KIRREL3: variants seen among roughly 807,000 people sequenced by gnomAD.
KIRREL3 encodes kirre like nephrin family adhesion molecule 3.
KIRREL3 carries 36 observed loss-of-function variants against 89.7 expected under a neutral mutation model. The ratio of observed to expected loss-of-function variants is 0.40; its 90% CI spans 0.31 to 0.53. The LOEUF is 0.53. Among genes scored for constraint, KIRREL3 ranks in the 20% least tolerant of loss-of-function variants. The pLI, the probability that KIRREL3 is intolerant of heterozygous loss-of-function variation, is 0.49. For missense variants in KIRREL3, 864 were observed against 1,056.6 expected (o/e 0.82, Z 2.53); for synonymous variants, 445 against 441.4 (o/e 1.01, Z -0.10).
chr11:126,751,229 C>T (rs1949325352), intron 1 of KIRREL3, among the ~76,000 whole-genome samples: 1 of 152,206 alleles, frequency 6.6e-6, no homozygotes, highest in East Asian at 1.9e-4. Context: ...AGGAAGCAAG[C>T]TGTCTTATTC....
rs1430806583 is a variant in KIRREL3 at position 126,664,107 on chromosome 11, T to C, written c.56-101195A>G. ...AACCTAATAGAGGCTTAGCTTTTCA[T>C]TAAAATTTCCATTAATACTGGAGCT... On this transcript the variant is annotated intron_variant, in intron 1 of 16. Coordinates refer to ENST00000525144, the MANE Select transcript of KIRREL3 (RefSeq NM_032531.4). The surrounding 1 kb of genome is among the most constrained non-coding windows in gnomAD (Gnocchi z 5.4). 1.3e-5 allele frequency among the ~76,000 whole-genome samples: 2 copies of C among 152,218 alleles called. No individual in the cohort carries two copies. The highest frequency in any genetic ancestry group is 2.9e-5 in the Non-Finnish European group (2 of 68,036).
In KIRREL3 at chr11:126,607,952, C is replaced by T. The variant is rs1222095221; in HGVS notation, c.56-45040G>A. Among the ~76,000 whole-genome samples the T allele has an allele frequency of 6.6e-6, 1 of 152,162 alleles. No homozygotes were observed. The highest frequency in any genetic ancestry group is 1.5e-5 in the Non-Finnish European group (1 of 68,016). ...CCAGGCACTAGGGCAACTGCTCAGC[C>T]CCATCGCAGCAAGGGCCCGAGGAAC... On this transcript the variant is annotated intron_variant, in intron 1 of 16. Coordinates refer to ENST00000525144, the MANE Select transcript of KIRREL3 (RefSeq NM_032531.4). The surrounding 1 kb of genome is among the most constrained non-coding windows in gnomAD (Gnocchi z 6.6).
intron 1 of KIRREL3, among the ~76,000 whole-genome samples, chr11:126,884,667 A>T (rs1466711584): frequency 4.6e-5 from 7 of 152,218 alleles, no homozygotes; most frequent in African/African-American, 1.7e-4. Context: ...ATCGTGACCC[A>T]GGAAACTAAT....
chr11:126,958,975 C>A (rs1214885055), intron 1 of KIRREL3, among the ~76,000 whole-genome samples: 3 of 152,060 alleles, frequency 2.0e-5, no homozygotes, highest in Non-Finnish European at 4.4e-5. Context: ...AAGAAGACTG[C>A]TTTCCTCAAT....
chr11:126,716,755 G>T (rs1298998362), intron 1 of KIRREL3, among the ~76,000 whole-genome samples: 4 of 146,660 alleles, frequency 2.7e-5, no homozygotes, highest in African/African-American at 7.8e-5. Context: ...TGTTGGGGGG[G>T]GGGGGAAGTG....
intron 1 of KIRREL3, among the ~76,000 whole-genome samples, chr11:126,833,711 G>C (rs1387465455): frequency 1.3e-5 from 2 of 152,194 alleles, no homozygotes; most frequent in African/African-American, 4.8e-5. Flanking sequence ...ACAGGCTGCA[G>C]ACACACACAG....
chr11:126,687,914 AG>A lies in KIRREL3; in HGVS notation c.56-125003del, dbSNP rs758803641. Among the ~76,000 whole-genome samples, 1 of 152,272 alleles carries A rather than the reference AG, an allele frequency of 6.6e-6. No homozygotes were observed. Among genetic ancestry groups the A allele is most frequent in the Non-Finnish European group, 1.5e-5 (1 of 68,048 alleles). ...GCCCTCCTAGGCCCGAAGCAGCAAA[AG>A]AAAGCATCTAGAAAAAGGAAATAAA... On this transcript the variant is annotated intron_variant, in intron 1 of 16. Transcript: ENST00000525144. This position sits in a 1 kb window ranked among gnomAD's most constrained non-coding sequence, Gnocchi z 4.6.
chr11:126,848,980 G>A (rs1319685461), intron 1 of KIRREL3, among the ~76,000 whole-genome samples: 1 of 152,196 alleles, frequency 6.6e-6, no homozygotes, highest in Non-Finnish European at 1.5e-5. Flanking sequence ...AAATGTCAGA[G>A]GTGTTTAAAA....
At chr11:126,442,611 G>A (rs970673560) in intron 10 of KIRREL3, among the ~76,000 whole-genome samples, 2 of 152,190 alleles carry the variant, frequency 1.3e-5, no homozygotes, top group Non-Finnish European at 1.5e-5. Context: ...GGGATTTGTC[G>A]CGATAAAAAC....
rs1039942472 is a variant in KIRREL3 at position 126,615,548 on chromosome 11, A to G, written c.56-52636T>C. On this transcript the variant is annotated intron_variant, in intron 1 of 16. Coordinates refer to ENST00000525144, the MANE Select transcript of KIRREL3 (RefSeq NM_032531.4). The surrounding 1 kb of genome is among the most constrained non-coding windows in gnomAD (Gnocchi z 5.4). Reference sequence around the variant, plus strand: ...ACCTGTGTTCCTAACCATCCTGCCCACCAGGATCCTGGAGGTATTCAAGCT... The same window carrying G: ...ACCTGTGTTCCTAACCATCCTGCCCGCCAGGATCCTGGAGGTATTCAAGCT... Among the ~76,000 whole-genome samples, 2 of 152,098 alleles carry G rather than the reference A, an allele frequency of 1.3e-5. No homozygotes were observed. The highest frequency in any genetic ancestry group is 4.8e-5 in the African/African-American group (2 of 41,426).
chr11:126,819,198 G>A (rs1951686128), intron 1 of KIRREL3, among the ~76,000 whole-genome samples: 1 of 152,166 alleles, frequency 6.6e-6, no homozygotes, highest in Non-Finnish European at 1.5e-5. Flanking sequence ...TGGGCAGCCT[G>A]AGGCGACGGT....
At chr11:126,913,195 G>T (rs1284563610) in intron 1 of KIRREL3, among the ~76,000 whole-genome samples, 1 of 152,190 alleles carries the variant, frequency 6.6e-6, no homozygotes, top group Admixed American at 6.5e-5. Context: ...GTGATTGCAG[G>T]TGACACAAGG....
At chr11:126,929,662 C>T (rs1034762650) in intron 1 of KIRREL3, among the ~76,000 whole-genome samples, 5 of 152,170 alleles carry the variant, frequency 3.3e-5, no homozygotes, top group Non-Finnish European at 7.4e-5. Context: ...AAGCAGGCTG[C>T]GGCAGTGAGT....
At chr11:126,581,185 G>C (rs965674070) in intron 1 of KIRREL3, among the ~76,000 whole-genome samples, 1 of 152,070 alleles carries the variant, frequency 6.6e-6, no homozygotes, top group Non-Finnish European at 1.5e-5. Context: ...TTAGTGGGGG[G>C]TTTAGAGCTG....
rs569780531 is a variant in KIRREL3, at chr11:126,744,475, G to A, written c.56-181563C>T. ...GGAAATGGAGAGGTGGCGCAGGTGCGAAATGTATCTTGATGGAAGCAGCAC... is the reference window on the plus strand; with the variant it reads ...GGAAATGGAGAGGTGGCGCAGGTGCAAAATGTATCTTGATGGAAGCAGCAC... On this transcript the variant is annotated intron_variant, in intron 1 of 16. Transcript: ENST00000525144. This position sits in a 1 kb window ranked among gnomAD's most constrained non-coding sequence, Gnocchi z 4.7. Among the ~76,000 whole-genome samples, 107 of 152,308 alleles carry A rather than the reference G, an allele frequency of 7.0e-4. No homozygotes were observed. The highest frequency in any genetic ancestry group is 2.4e-3 in the African/African-American group (101 of 41,564).
In KIRREL3 at chr11:126,703,134, G is replaced by T. The variant is rs1482430035; in HGVS notation, c.56-140222C>A. On this transcript the variant is annotated intron_variant, in intron 1 of 16. Transcript: ENST00000525144. The surrounding 1 kb of genome is among the most constrained non-coding windows in gnomAD (Gnocchi z 4.6). ...GTCAGGTGGGGGTGGCTGGGCTGGG[G>T]CAGGAGACACTGTAAAGAGCCAGTA... Among the ~76,000 whole-genome samples the T allele has an allele frequency of 6.6e-6, 1 of 152,188 alleles. No individual in the cohort carries two copies. Among genetic ancestry groups the T allele is most frequent in the Admixed American group, 6.5e-5 (1 of 15,292 alleles).
Position 126,443,705 on chromosome 11 carries a change from A to C in KIRREL3, c.1252+1274T>G, listed in dbSNP as rs1239221838. Reference sequence around the variant, plus strand: ...TTTCTAGCGAAGGGGAGAATAGATGAGGCCATCAGCAGGTGGCTTTCTGGG... The same window carrying C: ...TTTCTAGCGAAGGGGAGAATAGATGCGGCCATCAGCAGGTGGCTTTCTGGG... On this transcript the variant is annotated intron_variant, in intron 10 of 16. Coordinates refer to ENST00000525144, the MANE Select transcript of KIRREL3 (RefSeq NM_032531.4). The surrounding 1 kb of genome is among the most constrained non-coding windows in gnomAD (Gnocchi z 7.3). Among the ~76,000 whole-genome samples the C allele has an allele frequency of 1.3e-5, 2 of 152,114 alleles. No individual in the cohort carries two copies. Among genetic ancestry groups the C allele is most frequent in the Non-Finnish European group, 2.9e-5 (2 of 68,006 alleles).
chr11:126,923,191 T>TCTTCTTCTTCTCTTCTTCTTCTTCTA lies in KIRREL3; in HGVS notation c.55+77263_55+77264insTAGAAGAAGAAGAAGAGAAGAAGAAG, dbSNP rs1565423177. Among the ~76,000 whole-genome samples, 32 of 9,784 alleles carry TCTTCTTCTTCTCTTCTTCTTCTTCTA rather than the reference T, an allele frequency of 3.3e-3. 8 individuals are homozygous for TCTTCTTCTTCTCTTCTTCTTCTTCTA. The highest frequency in any genetic ancestry group is 0.022 in the African/African-American group (19 of 876). The allele number at this position is 9,784 out of a possible 152,430, so 6.4% of individuals were successfully genotyped here. A position where few individuals can be genotyped will look rare whatever the true frequency, so the allele number is the denominator to read the frequency against. ...TCTTCTTCTTCTCTTCTTCTTCTCT[T>TCTTCTTCTTCTCTTCTTCTTCTTCTA]CTTCTTCTTCTTCTTCTTCTTCTTC... On this transcript the variant is annotated intron_variant, in intron 1 of 16. Coordinates refer to ENST00000525144, the MANE Select transcript of KIRREL3 (RefSeq NM_032531.4).
rs1445311179 is a variant in KIRREL3, at chr11:126,891,897, G to A, written c.55+108558C>T. 6.6e-6 allele frequency among the ~76,000 whole-genome samples: 1 copy of A among 152,200 alleles called. No homozygotes were observed. The highest frequency in any genetic ancestry group is 1.9e-4 in the East Asian group (1 of 5,198). On this transcript the variant is annotated intron_variant, in intron 1 of 16. Transcript: ENST00000525144. This position sits in a 1 kb window ranked among gnomAD's most constrained non-coding sequence, Gnocchi z 5.1. ...GCCCAGGGAAAGAAATCTTGCCCAA[G>A]AATACATATGAATATCTGCAAAAAC...
Sources: gnomAD v4.1 joint callset for allele counts (sites outside exome capture counted in the v4.1 genomes callset) on GRCh38, gnomAD v4.1.1 for gene constraint, Gnocchi (gnomAD v3.1) non-coding constraint, MANE v1.5 for transcripts, NCBI Gene and HGNC (gene_info 2026-07-23, HGNC 2026-07-21) for gene names.